Variants in CHMP4B observed in about 807,000 individuals in gnomAD.
The protein encoded by CHMP4B is SNF7 homolog associated with Alix 1.
CHMP4B carries 1 observed loss-of-function variant against 25.1 expected under a neutral mutation model. The observed-to-expected ratio is 0.04, with a 90% confidence interval of 0.01 to 0.19. The LOEUF (loss-of-function observed/expected upper bound fraction) is 0.19, where lower values mean the gene tolerates loss of function less well. CHMP4B is among the 10% of genes least tolerant of loss of function. The pLI, the probability that CHMP4B is intolerant of heterozygous loss-of-function variation, is 1.00. For missense variants in CHMP4B, 151 were observed against 289.7 expected (o/e 0.52, Z 3.48); for synonymous variants, 101 against 115.6 (o/e 0.87, Z 0.81).
At chr20:33,851,883 T>A (rs1156624504) in intron 3 of CHMP4B, among the ~76,000 whole-genome samples, 194 bp from the exon 4 acceptor site, 1 of 152,212 alleles carries the variant, frequency 6.6e-6, no homozygotes, top group Non-Finnish European at 1.5e-5. Flanking sequence ...ATCAGTGATG[T>A]GCAGCAGTGA....
chr20:33,830,233 G>A (rs1349065274), intron 1 of CHMP4B, among the ~76,000 whole-genome samples: 1 of 152,212 alleles, frequency 6.6e-6, no homozygotes. Context: ...GGAAAAGCAA[G>A]GCGCTGGGTG....
At chr20:33,848,674 G>A in intron 2 of CHMP4B, 30 bp downstream of exon 2, 2 of 1,613,268 alleles carry the variant, frequency 1.2e-6, no homozygotes, top group Non-Finnish European at 1.7e-6. Context: ...TGCGCCACAG[G>A]GCAGTGCTAG....
rs1466658986 is a variant in CHMP4B at position 33,848,975 on chromosome 20, T to A, written c.368+331T>A. ...CCCAGAGAGGGAAGCGGATTTGCCCTGTGTGACATGGGAGCTTGGTTAGAA... is the reference window on the plus strand; with the variant it reads ...CCCAGAGAGGGAAGCGGATTTGCCCAGTGTGACATGGGAGCTTGGTTAGAA... On this transcript the variant is annotated intron_variant, in intron 2 of 4. Coordinates refer to ENST00000217402, the MANE Select transcript of CHMP4B (RefSeq NM_176812.5). Among the ~76,000 whole-genome samples the A allele has an allele frequency of 2.0e-5, 3 of 152,324 alleles. No homozygotes were observed. The East Asian group carries it at 5.8e-4, about 29-fold the overall frequency.
chr20:33,844,251 T>C (rs974373561), intron 1 of CHMP4B, among the ~76,000 whole-genome samples: 2 of 152,230 alleles, frequency 1.3e-5, no homozygotes, highest in African/African-American at 2.4e-5. Context: ...ACGTCAATTC[T>C]GTGGGTCAGA....
chr20:33,853,036 C>T (rs768014784), intron 4 of CHMP4B, among the ~76,000 whole-genome samples: 50 of 152,160 alleles, frequency 3.3e-4, no homozygotes, highest in Non-Finnish European at 6.6e-4. Flanking sequence ...AAAGAGGGAA[C>T]GGCCTCCTCA....
chr20:33,842,043 A>T (rs1979557896), intron 1 of CHMP4B, among the ~76,000 whole-genome samples: 1 of 151,946 alleles, frequency 6.6e-6, no homozygotes, highest in South Asian at 2.1e-4. Context: ...TCTGGACATC[A>T]TTTTTCTCAG....
At chr20:33,844,712 A>T (rs573253286) in intron 1 of CHMP4B, among the ~76,000 whole-genome samples, 2 of 152,242 alleles carry the variant, frequency 1.3e-5, no homozygotes, top group South Asian at 4.1e-4. Context: ...AGCTCCTGCT[A>T]CACTCGGGAT....
intron 1 of CHMP4B, among the ~76,000 whole-genome samples, chr20:33,819,034 C>T (rs958016714): frequency 1.8e-4 from 28 of 152,126 alleles, no homozygotes; most frequent in African/African-American, 1.2e-4. Flanking sequence ...CTCAGCCTCC[C>T]GAGTAGCTGG....
intron 1 of CHMP4B, among the ~76,000 whole-genome samples, chr20:33,816,031 C>T (rs1204976790): frequency 2.0e-5 from 3 of 152,208 alleles, no homozygotes; most frequent in Admixed American, 1.3e-4. Context: ...AAACAAACTT[C>T]AGAAGCTTTG....
chr20:33,828,551 C>T (rs1409084099), intron 1 of CHMP4B, among the ~76,000 whole-genome samples: 1 of 152,174 alleles, frequency 6.6e-6, no homozygotes, highest in Non-Finnish European at 1.5e-5. Context: ...TCACAAACTA[C>T]AGAAATGTTG....
chr20:33,845,259 G>A (rs903052558), intron 1 of CHMP4B, among the ~76,000 whole-genome samples: 11 of 152,062 alleles, frequency 7.2e-5, no homozygotes, highest in African/African-American at 2.4e-4. Flanking sequence ...AATAGGAGGC[G>A]GAAGGGACTG....
Position 33,831,428 on chromosome 20 carries a change from C to T in CHMP4B, c.191-17039C>T, listed in dbSNP as rs146727988. Among the ~76,000 whole-genome samples, 311 of 152,010 alleles carry T rather than the reference C, an allele frequency of 2.0e-3. 3 individuals carry two copies. The highest frequency in any genetic ancestry group is 7.3e-3 in the African/African-American group (304 of 41,446). Reference sequence around the variant, plus strand: ...AAGTTTCTGTGAAGATGAGGTTTCGCTGTGTTGGCCAGGCTGGTCTTAAAC... The same window carrying T: ...AAGTTTCTGTGAAGATGAGGTTTCGTTGTGTTGGCCAGGCTGGTCTTAAAC... On this transcript the variant is annotated intron_variant, in intron 1 of 4. Transcript: ENST00000217402.
chr20:33,845,162 T>C (rs1317840147), intron 1 of CHMP4B, among the ~76,000 whole-genome samples: 1 of 152,148 alleles, frequency 6.6e-6, no homozygotes, highest in East Asian at 1.9e-4. Context: ...CCCTCCTCAC[T>C]TGGCAGAAGG....
chr20:33,830,604 C>CG (rs1555791993), intron 1 of CHMP4B, among the ~76,000 whole-genome samples: 1 of 151,944 alleles, frequency 6.6e-6, no homozygotes, highest in South Asian at 2.1e-4. Context: ...GGATAGAGAG[C>CG]GGGGGCGTCT....
At chr20:33,848,207 C>T (rs951323558) in intron 1 of CHMP4B, among the ~76,000 whole-genome samples, 4 of 152,100 alleles carry the variant, frequency 2.6e-5, no homozygotes, top group African/African-American at 9.7e-5. Flanking sequence ...GCTGTCCATG[C>T]TTTGATTTGT....
At chr20:33,835,355 G>C (rs1028308448) in intron 1 of CHMP4B, among the ~76,000 whole-genome samples, 1 of 152,112 alleles carries the variant, frequency 6.6e-6, no homozygotes, top group Non-Finnish European at 1.5e-5. Context: ...TGAGCTTCTT[G>C]TATCTGTGGG....
chr20:33,811,693 G>T, intron 1 of CHMP4B, 35 bp downstream of exon 1: 1 of 1,601,636 alleles, frequency 6.2e-7, no homozygotes, highest in Non-Finnish European at 8.5e-7. Flanking sequence ...CTTGCCACGG[G>T]CTCCCCCCAG....
At chr20:33,824,544 T>G (rs756530622) in intron 1 of CHMP4B, among the ~76,000 whole-genome samples, 2 of 152,248 alleles carry the variant, frequency 1.3e-5, no homozygotes, top group East Asian at 1.9e-4. Flanking sequence ...CTTGACAGCC[T>G]TTATTCACTT....
intron 1 of CHMP4B, among the ~76,000 whole-genome samples, chr20:33,821,386 CA>C (rs35674946): frequency 0.39 from 41,672 of 106,034 alleles, 5,807 homozygotes; most frequent in East Asian, 0.53. Context: ...GACTCCATCT[CA>C]AAAAAAAAAA....
Sources: gnomAD v4.1 joint callset for allele counts (sites outside exome capture counted in the v4.1 genomes callset) on GRCh38, gnomAD v4.1.1 for gene constraint, MANE v1.5 for transcripts, NCBI Gene and HGNC (gene_info 2026-07-23, HGNC 2026-07-21) for gene names.